Variants in IGF1R observed in about 807,000 individuals in gnomAD.
IGF1R encodes the protein insulin like growth factor 1 receptor.
Under a neutral mutation model 144.6 loss-of-function variants are expected in IGF1R, and 44 were observed. That is an observed-to-expected ratio of 0.30 (90% CI 0.24 to 0.39). IGF1R has a LOEUF of 0.39. IGF1R is among the 10% of genes least tolerant of loss of function. The pLI, the probability that IGF1R is intolerant of heterozygous loss-of-function variation, is 1.00. For synonymous variants in IGF1R, 795 were observed against 722.8 expected (o/e 1.10, Z -1.60); for missense variants, 1,355 against 1,833.7 (o/e 0.74, Z 4.77).
intron 2 of IGF1R, among the ~76,000 whole-genome samples, chr15:98,763,131 CAACTA>C (rs2055348692): frequency 6.6e-6 from 1 of 151,680 alleles, no homozygotes; most frequent in Non-Finnish European, 1.5e-5. Flanking sequence ...TCTAACTTGT[CAACTA>C]AATTTAAAAG....
chr15:98,712,724 C>G (rs2054022280), intron 2 of IGF1R, among the ~76,000 whole-genome samples: 1 of 151,786 alleles, frequency 6.6e-6, no homozygotes, highest in Non-Finnish European at 1.5e-5. Flanking sequence ...ATTCTACTGC[C>G]TCAGCCTCCT....
chr15:98,745,800 A>G (rs2054850433), intron 2 of IGF1R, among the ~76,000 whole-genome samples: 1 of 152,192 alleles, frequency 6.6e-6, no homozygotes, highest in Admixed American at 6.5e-5. Context: ...ACTCTTATAC[A>G]TTGCTGTTGA....
At chr15:98,694,344 G>C (rs536048962) in intron 1 of IGF1R, among the ~76,000 whole-genome samples, 1 of 152,086 alleles carries the variant, frequency 6.6e-6, no homozygotes, top group Non-Finnish European at 1.5e-5. Context: ...AATCCTCCAC[G>C]ACAATCCATT....
At position 98,707,536 on chromosome 15, in the gene IGF1R, A is replaced by T; in HGVS notation, c.95-26A>T. 2 of 1,610,918 alleles carry T rather than the reference A, an allele frequency of 1.2e-6. No homozygotes were observed. Among genetic ancestry groups the T allele is most frequent in the Non-Finnish European group, 8.5e-7 (1 of 1,177,246 alleles). On this transcript the variant is annotated intron_variant, in intron 1 of 20. Transcript: ENST00000650285. The surrounding 1 kb of genome is among the most constrained non-coding windows in gnomAD (Gnocchi z 6.7). Reference sequence around the variant, plus strand: ...TAAAAATTATTTCCTTCTAACTGAGACGTTTACCCTCTTGTCTCCCTTCAG... The same window carrying T: ...TAAAAATTATTTCCTTCTAACTGAGTCGTTTACCCTCTTGTCTCCCTTCAG...
At chr15:98,827,438 G>A (rs565385898) in intron 2 of IGF1R, among the ~76,000 whole-genome samples, 2 of 152,266 alleles carry the variant, frequency 1.3e-5, no homozygotes, top group East Asian at 1.9e-4. Flanking sequence ...TGGGAAAAGA[G>A]CCAGGACTAG....
chr15:98,850,179 T>C (rs2011480459), intron 2 of IGF1R, among the ~76,000 whole-genome samples: 3 of 152,240 alleles, frequency 2.0e-5, no homozygotes, highest in Admixed American at 2.0e-4. Flanking sequence ...CCAAGCTTAT[T>C]TTCTCTTCAG....
chr15:98,660,136 G>A (rs1353953746), intron 1 of IGF1R: 1 of 152,118 alleles, frequency 6.6e-6, no homozygotes, highest in East Asian at 1.9e-4. Context: ...GGAAATCTTT[G>A]TTTGGCTGTC....
At chr15:98,660,813 A>C (rs1241719061) in intron 1 of IGF1R, 1 of 152,210 alleles carries the variant, frequency 6.6e-6, no homozygotes, top group African/African-American at 2.4e-5. Flanking sequence ...CCTATAGATA[A>C]GATGTAATGA....
chr15:98,714,859 C>G (rs1303665120), intron 2 of IGF1R, among the ~76,000 whole-genome samples: 1 of 152,066 alleles, frequency 6.6e-6, no homozygotes, highest in Non-Finnish European at 1.5e-5. Context: ...TGAGATGTTT[C>G]TGTTAAGCAC....
chr15:98,848,359 T>C (rs1368896728), intron 2 of IGF1R, among the ~76,000 whole-genome samples: 1 of 152,242 alleles, frequency 6.6e-6, no homozygotes, highest in East Asian at 1.9e-4. Context: ...GTGTTCACAC[T>C]AAAGTGCCAG....
chr15:98,649,363 G>A lies in IGF1R; in HGVS notation c.-219G>A, dbSNP rs1192075522. The A allele has an allele frequency of 4.1e-6, 1 of 244,782 alleles. No individual in the cohort carries two copies. The highest frequency in any genetic ancestry group is 2.3e-5 in the African/African-American group (1 of 44,234). The allele number at this position is 244,782 out of a possible 1,614,324, so 15.2% of individuals were successfully genotyped here. On this transcript the variant is annotated 5_prime_UTR_variant, in exon 1 of 21. Transcript: ENST00000650285. The stretch of plus-strand genomic sequence containing the variant: ...GCCGAGCCCTGGGCCGCTGCTGCCG[G>A]CGCTGAGGGGCCGCCCCGCGCCGCC...
chr15:98,951,910 C>T (rs1259570083), intron 20 of IGF1R, among the ~76,000 whole-genome samples: 2 of 152,208 alleles, frequency 1.3e-5, no homozygotes, highest in Non-Finnish European at 2.9e-5. Context: ...CATAAGCTAG[C>T]GTGGCTGTGT....
At position 98,735,069 on chromosome 15, in the gene IGF1R, T is replaced by C. The variant is rs188038006; in HGVS notation, c.640+26962T>C. Among the ~76,000 whole-genome samples, 129 of 152,222 alleles carry C rather than the reference T, an allele frequency of 8.5e-4. 1 individual carries two copies. The highest frequency in any genetic ancestry group is 2.9e-3 in the African/African-American group (122 of 41,514). ...AGTGCTGATTAGATTGTGGCCAGGG[T>C]TCACCCACAAGTTCCGAAGCTGGGG... On this transcript the variant is annotated intron_variant, in intron 2 of 20. Transcript: ENST00000650285.
intron 2 of IGF1R, among the ~76,000 whole-genome samples, chr15:98,795,594 T>G (rs2056223428): frequency 6.6e-6 from 1 of 152,172 alleles, no homozygotes; most frequent in African/African-American, 2.4e-5. Flanking sequence ...TTTTTTGTAT[T>G]TTTAGTAGAG....
intron 2 of IGF1R, among the ~76,000 whole-genome samples, chr15:98,774,636 T>C (rs1478012005): frequency 7.4e-6 from 1 of 135,838 alleles, no homozygotes; most frequent in Non-Finnish European, 1.5e-5. Context: ...TAGATGAGGT[T>C]CCCTGGAGTA....
chr15:98,802,527 C>T (rs1461648859), intron 2 of IGF1R, among the ~76,000 whole-genome samples: 4 of 152,168 alleles, frequency 2.6e-5, no homozygotes, highest in African/African-American at 9.7e-5. Flanking sequence ...AGATGCAAGC[C>T]AACAGCAATT....
At chr15:98,953,748 A>T (rs1434401905) in intron 20 of IGF1R, among the ~76,000 whole-genome samples, 1 of 152,082 alleles carries the variant, frequency 6.6e-6, no homozygotes, top group East Asian at 1.9e-4. Context: ...AGCATTATCA[A>T]CTCATAGATG....
At chr15:98,708,425 G>A (rs932914361) in intron 2 of IGF1R, among the ~76,000 whole-genome samples, 2 of 152,206 alleles carry the variant, frequency 1.3e-5, no homozygotes, top group African/African-American at 4.8e-5. Context: ...CTTCAGCTTT[G>A]AATTCCTGAT....
chr15:98,834,404 T>C (rs1301776942), intron 2 of IGF1R, among the ~76,000 whole-genome samples: 2 of 152,202 alleles, frequency 1.3e-5, no homozygotes, highest in Non-Finnish European at 2.9e-5. Flanking sequence ...TTCAGCAATA[T>C]CATCAGAGCT....
Sources: gnomAD v4.1 joint callset for allele counts (sites outside exome capture counted in the v4.1 genomes callset) on GRCh38, gnomAD v4.1.1 for gene constraint, Gnocchi (gnomAD v3.1) non-coding constraint, MANE v1.5 for transcripts, NCBI Gene and HGNC (gene_info 2026-07-23, HGNC 2026-07-21) for gene names.